The following OLFML2A variants were observed in gnomAD, a reference collection of about 807,000 sequenced individuals.
The protein encoded by OLFML2A is olfactomedin-like protein 2A.
A neutral mutation model predicts 60.9 loss-of-function variants in OLFML2A; 47 were observed. The ratio of observed to expected loss-of-function variants is 0.77; its 90% CI spans 0.61 to 0.98. The LOEUF (loss-of-function observed/expected upper bound fraction) is 0.98. Among genes scored for constraint, OLFML2A ranks in the 50% least tolerant of loss-of-function variants. OLFML2A has a pLI of 0.00. For synonymous variants in OLFML2A, 372 were observed against 375.0 expected (o/e 0.99, Z 0.09); for missense variants, 922 against 879.8 (o/e 1.05, Z -0.61).
intron 2 of OLFML2A, among the ~76,000 whole-genome samples, chr9:124,787,522 T>TTTTTA (rs201285189): frequency 0.043 from 5,989 of 137,780 alleles, 162 homozygotes; most frequent in Middle Eastern, 0.063. Flanking sequence ...CAGTGGGTTG[T>TTTTTA]TTTTATTTTA....
chr9:124,784,241 T>C (rs1211876531), intron 1 of OLFML2A, among the ~76,000 whole-genome samples: 1 of 151,968 alleles, frequency 6.6e-6, no homozygotes, highest in Non-Finnish European at 1.5e-5. Context: ...TCTTGCTCTC[T>C]TGTCCAGGCT....
rs371938386 is a variant in OLFML2A, at chr9:124,810,121, C to T, written c.1668C>T (p.Gly556=). ...TCGTCCTGAGTCGCTTGGACCCCGG[C>T]GATCTCTCCGTGCACCGGGAGACCA... is the stretch of plus-strand genomic sequence containing the variant. ...EVIVLSRLDP[G]DLSVHRETTW... is the part of the protein sequence containing the mutation. The change falls in exon 8 of 8, where the codon GGC becomes GGT. Residue 556 remains glycine (G), a synonymous_variant. Transcript: ENST00000373580. 2 of 1,613,650 alleles carry T rather than the reference C, an allele frequency of 1.2e-6. No homozygotes were observed. Among genetic ancestry groups the T allele is most frequent in the Non-Finnish European group, 1.7e-6 (2 of 1,180,008 alleles).
chr9:124,807,848 G>A lies in OLFML2A; in HGVS notation c.1236G>A (p.Gly412=), dbSNP rs773379975. Residue 412 remains glycine, a synonymous_variant, in exon 7 of 8, where the codon GGG becomes GGA. Coordinates refer to ENST00000373580, the MANE Select transcript of OLFML2A (RefSeq NM_182487.4). The stretch of plus-strand genomic sequence containing the variant: ...CCCCTGTGAGGCACCACAGCTATGG[G>A]CGCCACGAGGGAGCCTGGATGAAGG... The part of the protein sequence containing the change: ...VDPPVRHHSY[G]RHEGAWMKDP... The A allele has an allele frequency of 1.4e-5, 23 of 1,614,090 alleles. No individual in the cohort carries two copies. In the East Asian group the frequency reaches 1.6e-4, roughly 11 times the overall value.
In OLFML2A at chr9:124,801,501, A is replaced by G; in HGVS notation, c.757A>G (p.Lys253Glu). ...AGACAGAGGCCTCCCAAAACCTCCC[A>G]AGGAGAAGCTGCTTCAGGTGGAGAA... is the stretch of plus-strand genomic sequence containing the variant. ...FADRGLPKPP[K>E]EKLLQVEKLR... Residue 253 changes from lysine to glutamate, a missense_variant, in exon 5 of 8, where the codon AAG becomes GAG. Coordinates refer to ENST00000373580, the MANE Select transcript of OLFML2A (RefSeq NM_182487.4). 6.2e-7 allele frequency: 1 copy of G among 1,614,090 alleles called. No individual in the cohort carries two copies. The highest frequency in any genetic ancestry group is 8.5e-7 in the Non-Finnish European group (1 of 1,180,008).
intron 4 of OLFML2A, 106 bp from the exon 5 acceptor site, chr9:124,801,308 C>A: frequency 1.7e-6 from 2 of 1,209,130 alleles, no homozygotes; most frequent in Non-Finnish European, 2.4e-6. Context: ...GGACATAGGG[C>A]CTGGGGCAAC....
intron 3 of OLFML2A, among the ~76,000 whole-genome samples, chr9:124,797,464 A>G (rs968957786): frequency 6.6e-6 from 1 of 152,214 alleles, no homozygotes; most frequent in African/African-American, 2.4e-5. Flanking sequence ...CAAGGATTTG[A>G]ATCCAAGGGT....
At chr9:124,804,730 A>C (rs1841856895) in intron 6 of OLFML2A, among the ~76,000 whole-genome samples, 1 of 150,130 alleles carries the variant, frequency 6.7e-6, no homozygotes, top group African/African-American at 2.4e-5. Flanking sequence ...TTTCTTTTTG[A>C]GACAGTCTCA....
intron 1 of OLFML2A, among the ~76,000 whole-genome samples, chr9:124,781,601 C>G (rs755885541): frequency 2.6e-5 from 4 of 152,100 alleles, no homozygotes; most frequent in Non-Finnish European, 5.9e-5. Flanking sequence ...CGAGACCAGC[C>G]TGGCCAACAT....
rs764143467 is a variant in OLFML2A, at chr9:124,786,971, A to G, written c.91-4A>G. 4.4e-6 allele frequency: 7 copies of G among 1,606,446 alleles called. No individual in the cohort carries two copies. In the South Asian group the frequency reaches 7.7e-5, roughly 18 times the overall value. On this transcript the variant is annotated splice_region_variant and splice_polypyrimidine_tract_variant and intron_variant, in intron 1 of 7. Transcript: ENST00000373580. ...ACTGGAGCCCCTCTTGCCCCCCGCA[A>G]CAGGTGTTTGGGGACCTGGACCAGG...
At position 124,786,845 on chromosome 9, in the gene OLFML2A, C is replaced by T. The variant is rs550946576; in HGVS notation, c.91-130C>T. The T allele has an allele frequency of 3.7e-6, 3 of 815,640 alleles. No individual in the cohort carries two copies. The African/African-American group carries it at 5.1e-5, about 14-fold the overall frequency. The allele number at this position is 815,640 out of a possible 1,614,324, so 50.5% of individuals were successfully genotyped here. A position where few individuals can be genotyped will look rare whatever the true frequency, so the allele number is the denominator to read the frequency against. On this transcript the variant is annotated intron_variant, in intron 1 of 7. Coordinates refer to ENST00000373580, the MANE Select transcript of OLFML2A (RefSeq NM_182487.4). ...GGGCTTCACCACCTCTAATTGCACC[C>T]CCTCCTACCTGCCAAACACTCTCAT... is the stretch of plus-strand genomic sequence containing the variant.
At chr9:124,784,995 C>A (rs532314323) in intron 1 of OLFML2A, among the ~76,000 whole-genome samples, 97 of 111,336 alleles carry the variant, frequency 8.7e-4, no homozygotes, top group African/African-American at 3.5e-3. Context: ...ACTGTGTTGC[C>A]CAGGCTGGAG....
In OLFML2A at chr9:124,807,851, C is replaced by A. The variant is rs571527733; in HGVS notation, c.1239C>A (p.Arg413=). 1 of 1,614,146 alleles carries A rather than the reference C, an allele frequency of 6.2e-7. No homozygotes were observed. Among genetic ancestry groups the A allele is most frequent in the South Asian group, 1.1e-5 (1 of 91,088 alleles). ...CTGTGAGGCACCACAGCTATGGGCGCCACGAGGGAGCCTGGATGAAGGACC... is the reference window on the plus strand; with the variant it reads ...CTGTGAGGCACCACAGCTATGGGCGACACGAGGGAGCCTGGATGAAGGACC... ...DPPVRHHSYG[R]HEGAWMKDPA... Residue 413 remains arginine, a synonymous_variant, in exon 7 of 8, where the codon CGC becomes CGA. Transcript: ENST00000373580.
Position 124,793,035 on chromosome 9 carries a change from A to G in OLFML2A, c.355-1989A>G, listed in dbSNP as rs114823945. The stretch of plus-strand genomic sequence containing the variant: ...GTTTTAGAGATCAGCTTCTGCTCAA[A>G]GAAAAGCTCCCTGGCTTAAAACAGT... On this transcript the variant is annotated intron_variant, in intron 2 of 7. Coordinates refer to ENST00000373580, the MANE Select transcript of OLFML2A (RefSeq NM_182487.4). Among the ~76,000 whole-genome samples the G allele has an allele frequency of 5.3e-3, 800 of 152,342 alleles. 8 individuals carry two copies. Among genetic ancestry groups the G allele is most frequent in the African/African-American group, 0.018 (728 of 41,582 alleles).
intron 1 of OLFML2A, among the ~76,000 whole-genome samples, chr9:124,778,091 G>T (rs1214765578): frequency 6.6e-6 from 1 of 152,174 alleles, no homozygotes; most frequent in Non-Finnish European, 1.5e-5. Context: ...CGGGCGCGGT[G>T]GCTCACGCCT....
In OLFML2A at chr9:124,809,939, G is replaced by C. The variant is rs763392465; in HGVS notation, c.1486G>C (p.Val496Leu). 1.2e-6 allele frequency: 2 copies of C among 1,614,168 alleles called. No homozygotes were observed. Among genetic ancestry groups the C allele is most frequent in the Non-Finnish European group, 1.7e-6 (2 of 1,180,030 alleles). ...IIKYDLRQRF[V>L]ASWALLPDVV... ...CAAGTACGACCTACGGCAGCGCTTCGTGGCCTCCTGGGCGCTGCTGCCCGA... is the reference window on the plus strand; with the variant it reads ...CAAGTACGACCTACGGCAGCGCTTCCTGGCCTCCTGGGCGCTGCTGCCCGA... The change falls in exon 8 of 8, where the codon GTG becomes CTG. Residue 496 changes from valine to leucine, a missense_variant. Val to Leu is a conservative substitution (Grantham distance 32). Transcript: ENST00000373580.
In OLFML2A at chr9:124,811,393, C is replaced by T. The variant is rs1327877992; in HGVS notation, c.*981C>T. On this transcript the variant is annotated 3_prime_UTR_variant, in exon 8 of 8. Transcript: ENST00000373580. The stretch of plus-strand genomic sequence containing the variant: ...TTTCTCTGGGCTTTCAAACCCACAA[C>T]CTTTACACACTCAGGGATACCTCCG... 5 of 152,782 alleles carry T rather than the reference C, an allele frequency of 3.3e-5. No individual in the cohort carries two copies. Among genetic ancestry groups the T allele is most frequent in the African/African-American group, 1.2e-4 (5 of 41,450 alleles). The allele number at this position is 152,782 out of a possible 1,614,324, so 9.5% of individuals were successfully genotyped here. A position where few individuals can be genotyped will look rare whatever the true frequency, so the allele number is the denominator to read the frequency against.
At chr9:124,787,522 T>TTTTATTTTA (rs768081518) in intron 2 of OLFML2A, among the ~76,000 whole-genome samples, 1 of 137,756 alleles carries the variant, frequency 7.3e-6, no homozygotes, top group Admixed American at 7.3e-5. Flanking sequence ...CAGTGGGTTG[T>TTTTATTTTA]TTTTATTTTA....
In OLFML2A at chr9:124,777,784, C is replaced by T. The variant is rs1841284376; in HGVS notation, c.90+424C>T. 6.6e-6 allele frequency among the ~76,000 whole-genome samples: 1 copy of T among 152,156 alleles called. No individual in the cohort carries two copies. Among genetic ancestry groups the T allele is most frequent in the Non-Finnish European group, 1.5e-5 (1 of 68,004 alleles). The stretch of plus-strand genomic sequence containing the variant: ...GGGGGTCTTCTCTACCCGATGAACG[C>T]AGCCGCGCTGGCCACTCGCCTGGCC... On this transcript the variant is annotated intron_variant, in intron 1 of 7. Transcript: ENST00000373580. This position sits in a 1 kb window ranked among gnomAD's most constrained non-coding sequence, Gnocchi z 6.2.
chr9:124,792,018 A>C (rs1002238588), intron 2 of OLFML2A, among the ~76,000 whole-genome samples: 3 of 152,062 alleles, frequency 2.0e-5, no homozygotes, highest in African/African-American at 7.3e-5. Context: ...TGCTCCCTTT[A>C]CTTCACATGT....
Sources: allele counts gnomAD v4.1 joint callset (sites outside exome capture counted in the v4.1 genomes callset), GRCh38; gene constraint gnomAD v4.1.1; non-coding constraint Gnocchi (gnomAD v3.1); transcripts MANE v1.5; gene names NCBI Gene and HGNC (gene_info 2026-07-23, HGNC 2026-07-21).